The following ITGB6 variants were observed in gnomAD, a reference collection of about 807,000 sequenced individuals.
ITGB6 encodes integrin subunit beta 6, also known as integrin beta-6.
A neutral mutation model predicts 84.5 loss-of-function variants in ITGB6; 80 were observed. The observed-to-expected ratio is 0.95, with a 90% CI of 0.79 to 1.14. The LOEUF (loss-of-function observed/expected upper bound fraction) is 1.14. Ranked by LOEUF, ITGB6 falls within the 50% of genes most tolerant of loss-of-function variation. ITGB6 has a pLI of 0.00. For synonymous variants in ITGB6, 383 were observed against 354.9 expected, an observed-to-expected ratio of 1.08 and a Z score of -0.89; for missense variants, 1,006 against 968.0, an observed-to-expected ratio of 1.04 and a Z score of -0.52.
At chr2:160,199,723 T>C (rs1686482042) in intron 1 of ITGB6, among the ~76,000 whole-genome samples, 1 of 152,200 alleles carries the variant, frequency 6.6e-6, no homozygotes, top group Non-Finnish European at 1.5e-5. Flanking sequence ...GTTTCAAAAA[T>C]GGTTATCATA....
intron 12 of ITGB6, among the ~76,000 whole-genome samples, chr2:160,116,217 C>G (rs1682760201): frequency 6.6e-6 from 1 of 151,916 alleles, no homozygotes; most frequent in South Asian, 2.1e-4. Context: ...TTATCAGATT[C>G]ACCAAAGTTG....
chr2:160,149,041 A>G (rs1684302503), intron 7 of ITGB6, among the ~76,000 whole-genome samples: 1 of 152,112 alleles, frequency 6.6e-6, no homozygotes, highest in Non-Finnish European at 1.5e-5. Flanking sequence ...AAAAGGCAGC[A>G]GACAACTTCT....
chr2:160,154,854 G>T (rs1156857182), intron 7 of ITGB6, among the ~76,000 whole-genome samples: 1 of 152,166 alleles, frequency 6.6e-6, no homozygotes, highest in African/African-American at 2.4e-5. Context: ...ATGGCAGTTG[G>T]TATGGTTTGG....
rs369726068 is a variant in ITGB6, at chr2:160,196,369, G to T, written c.193C>A (p.Leu65Ile). ...TTTAATTGACATCCTTTAGCTAAAAGGTTTGCTGGGGTATCACACCTTTCG... is the reference window on the plus strand; with the variant it reads ...TTTAATTGACATCCTTTAGCTAAAATGTTTGCTGGGGTATCACACCTTTCG... ...VGERCDTPAN[L>I]LAKGCQLNFI... Residue 65 changes from leucine to isoleucine, a missense_variant, in exon 3 of 15, where the codon CTT becomes ATT. Leu to Ile is a conservative substitution (Grantham distance 5). Transcript: ENST00000283249. The T allele has an allele frequency of 1.4e-5, 23 of 1,613,892 alleles. No homozygotes were observed. The East Asian group carries it at 1.8e-4, about 13-fold the overall frequency.
intron 7 of ITGB6, among the ~76,000 whole-genome samples, chr2:160,144,929 T>A (rs79021714): frequency 0.01 from 1,561 of 152,310 alleles, 20 homozygotes; most frequent in Non-Finnish European, 0.016. Context: ...AAACTATTAA[T>A]TAATTTCTGG....
In ITGB6 at chr2:160,142,025, T is replaced by G. The variant is rs1197184529; in HGVS notation, c.1064A>C (p.Lys355Thr). Residue 355 changes from lysine (K) to threonine (T), a missense_variant, in exon 8 of 15, where the codon AAG (lysine) becomes ACG (threonine). Coordinates refer to ENST00000283249, the MANE Select transcript of ITGB6 (RefSeq NM_000888.5). ...CAGCTGGAGAATGTTTCCGGAGTCC[T>G]TCTGAAGTAGACCTACTGTAGCTCC... is the stretch of plus-strand genomic sequence containing the variant. ...IPGATVGLLQ[K>T]DSGNILQLII... 1 of 1,610,456 alleles carries G rather than the reference T, an allele frequency of 6.2e-7. No homozygotes were observed. The highest frequency in any genetic ancestry group is 1.1e-5 in the South Asian group (1 of 90,446).
At chr2:160,127,612 T>A (rs1683290780) in intron 10 of ITGB6, among the ~76,000 whole-genome samples, 1 of 152,356 alleles carries the variant, frequency 6.6e-6, no homozygotes, top group Middle Eastern at 3.4e-3. Context: ...TGGGGCTGTG[T>A]CACGGGCCAT....
At chr2:160,180,816 CA>C (rs1027092506) in intron 4 of ITGB6, among the ~76,000 whole-genome samples, 1 of 152,148 alleles carries the variant, frequency 6.6e-6, no homozygotes, top group African/African-American at 2.4e-5. Flanking sequence ...ACTGGTTAGA[CA>C]ATGGGTGCAG....
intron 9 of ITGB6, 26 bp downstream of exon 9, chr2:160,138,039 A>G (rs375335765): frequency 2.3e-5 from 37 of 1,594,094 alleles, no homozygotes; most frequent in Non-Finnish European, 3.1e-5. Flanking sequence ...GTATTTATTC[A>G]GACTATCTAC....
At chr2:160,173,881 G>A (rs1195009169) in intron 5 of ITGB6, 93 bp downstream of exon 5, 7 of 1,121,268 alleles carry the variant, frequency 6.2e-6, no homozygotes, top group Non-Finnish European at 7.6e-6. Flanking sequence ...AGAGATCAAA[G>A]GAAAGGAAAT....
rs148296369 is a variant in ITGB6 at position 160,144,403 on chromosome 2, T to G, written c.1018-2332A>C. 1.0e-3 allele frequency among the ~76,000 whole-genome samples: 158 copies of G among 152,320 alleles called. 5 individuals carry two copies. In the East Asian group the frequency reaches 0.029, roughly 28 times the overall value. On this transcript the variant is annotated intron_variant, in intron 7 of 14. Transcript: ENST00000283249. ...ACAAGGAAGGCACTGGTTTACGGAC[T>G]TACCTTTTCAAATAAACATATGTCA... is the stretch of plus-strand genomic sequence containing the variant.
At chr2:160,199,477 A>T (rs977742713) in intron 1 of ITGB6, among the ~76,000 whole-genome samples, 4 of 152,248 alleles carry the variant, frequency 2.6e-5, no homozygotes, top group African/African-American at 7.2e-5. Flanking sequence ...TGTATGTCTT[A>T]TAAGCCAAAA....
intron 7 of ITGB6, among the ~76,000 whole-genome samples, chr2:160,152,739 C>A (rs1344869508): frequency 6.6e-6 from 1 of 152,182 alleles, no homozygotes; most frequent in Non-Finnish European, 1.5e-5. Flanking sequence ...TGATAAGCAA[C>A]TTCAGCAAAG....
chr2:160,149,032 A>G (rs1684302321), intron 7 of ITGB6, among the ~76,000 whole-genome samples: 1 of 152,218 alleles, frequency 6.6e-6, no homozygotes, highest in Non-Finnish European at 1.5e-5. Context: ...TAGCTGAACA[A>G]AAGGCAGCAG....
rs552137178 is a variant in ITGB6 at position 160,175,199 on chromosome 2, C to T, written c.594-1060G>A. 4.5e-4 allele frequency among the ~76,000 whole-genome samples: 68 copies of T among 152,286 alleles called. 1 individual carries two copies. The highest frequency in any genetic ancestry group is 3.4e-3 in the Middle Eastern group (1 of 294). On this transcript the variant is annotated intron_variant, in intron 4 of 14. Transcript: ENST00000283249. ...GGTCCAGTAGCTTACTTTGTCAGCA[C>T]GAGAAGGTGCATTTTTCAATGTTAG...
chr2:160,172,653 G>A lies in ITGB6; in HGVS notation c.837C>T (p.Asp279=), dbSNP rs759012880. The part of the protein sequence containing the change: ...VSDADSHFGM[D]SKLAGIVIPN... ...GAATGACGATGCCTGCTAGTTTGCT[G>A]TCCATTCCAAAATGAGAATCAGCAT... The change falls in exon 6 of 15, where the codon GAC becomes GAT. Residue 279 remains aspartate, a synonymous_variant. Transcript: ENST00000283249. The A allele has an allele frequency of 3.7e-6, 6 of 1,612,016 alleles. No individual in the cohort carries two copies. Among genetic ancestry groups the A allele is most frequent in the Non-Finnish European group, 5.1e-6 (6 of 1,178,268 alleles).
chr2:160,136,975 A>G (rs2105817331), intron 10 of ITGB6, among the ~76,000 whole-genome samples: 1 of 152,072 alleles, frequency 6.6e-6, no homozygotes, highest in East Asian at 1.9e-4. Context: ...TGGGTGCAGC[A>G]CACCAACATG....
intron 11 of ITGB6, among the ~76,000 whole-genome samples, chr2:160,125,764 A>G (rs1683213842): frequency 6.6e-6 from 1 of 152,088 alleles, no homozygotes; most frequent in Non-Finnish European, 1.5e-5. Flanking sequence ...CCCCAATTTC[A>G]TTAAGAAATT....
At chr2:160,102,083 C>T (rs1307569650) in intron 14 of ITGB6, among the ~76,000 whole-genome samples, 3 of 152,098 alleles carry the variant, frequency 2.0e-5, no homozygotes, top group South Asian at 2.1e-4. Flanking sequence ...CACAAATTTA[C>T]GGATAGAAAA....
Sources: allele counts gnomAD v4.1 joint callset (sites outside exome capture counted in the v4.1 genomes callset), GRCh38; gene constraint gnomAD v4.1.1; transcripts MANE v1.5; gene names NCBI Gene and HGNC (gene_info 2026-07-23, HGNC 2026-07-21).